The following RNF115 variants were observed in gnomAD, a reference collection of about 807,000 sequenced individuals.
RNF115 encodes the protein E3 ubiquitin-protein ligase RNF115.
RNF115 carries 31 observed loss-of-function variants against 39.2 expected under a neutral mutation model. The ratio of observed to expected loss-of-function variants is 0.79; its 90% CI spans 0.59 to 1.07. The LOEUF is 1.07. Among genes scored for constraint, RNF115 ranks in the 50% least tolerant of loss-of-function variants. The probability of loss-of-function intolerance (pLI) is 0.00; values close to 1 mark genes in which losing one functional copy is unlikely to be tolerated. For missense variants in RNF115, 384 were observed against 381.7 expected (o/e 1.01, Z -0.05); for synonymous variants, 124 against 131.0 (o/e 0.95, Z 0.37).
intron 1 of RNF115, among the ~76,000 whole-genome samples, chr1:145,801,843 A>T (rs1260458967): frequency 6.6e-6 from 1 of 152,016 alleles, no homozygotes; most frequent in Non-Finnish European, 1.5e-5. Context: ...GCTGGAGTGC[A>T]GTGGCACCAT....
At chr1:145,748,667 C>T (rs973166943) in intron 7 of RNF115, among the ~76,000 whole-genome samples, 3 of 151,924 alleles carry the variant, frequency 2.0e-5, no homozygotes, top group Non-Finnish European at 2.9e-5. Context: ...GGGTGGATCA[C>T]GAGGTCAGGA....
At position 145,744,106 on chromosome 1, in the gene RNF115, G is replaced by A. The variant is rs1657784564; in HGVS notation, c.*2760C>T. ...TTTAAAGGTACTCAGATCCTTTCTA[G>A]TTCTCTAGGCATTGGTTCTCTATCT... On this transcript the variant is annotated 3_prime_UTR_variant, in exon 9 of 9. Coordinates refer to ENST00000582693, the MANE Select transcript of RNF115 (RefSeq NM_014455.4). 6.6e-6 allele frequency: 1 copy of A among 152,278 alleles called. No homozygotes were observed. Among genetic ancestry groups the A allele is most frequent in the African/African-American group, 2.4e-5 (1 of 41,442 alleles). 9.4% of individuals were successfully genotyped at this position (152,278 alleles called of 1,614,324 possible).
chr1:145,749,234 G>C (rs1553712146), intron 7 of RNF115, among the ~76,000 whole-genome samples: 1 of 152,050 alleles, frequency 6.6e-6, no homozygotes, highest in Non-Finnish European at 1.5e-5. Flanking sequence ...TATCACCTTA[G>C]CCCTAATTCT....
intron 1 of RNF115, among the ~76,000 whole-genome samples, chr1:145,801,516 A>G (rs181422944): frequency 2.7e-4 from 41 of 152,252 alleles, no homozygotes; most frequent in African/African-American, 8.4e-4. Context: ...AGTGAGTGAA[A>G]GAGTGAGACT....
chr1:145,792,959 A>G (rs1648746512), intron 1 of RNF115, among the ~76,000 whole-genome samples: 1 of 152,208 alleles, frequency 6.6e-6, no homozygotes, highest in Non-Finnish European at 1.5e-5. Flanking sequence ...TAAATCCCTG[A>G]GTCCTCCTCT....
At chr1:145,753,325 T>C (rs782178006) in intron 4 of RNF115, among the ~76,000 whole-genome samples, 7 of 152,204 alleles carry the variant, frequency 4.6e-5, no homozygotes, top group African/African-American at 1.2e-4. Context: ...TTTCAAACTA[T>C]GTTCCCTGAA....
intron 1 of RNF115, among the ~76,000 whole-genome samples, chr1:145,795,052 A>AGTTT (rs1648904470): frequency 6.9e-6 from 1 of 145,020 alleles, no homozygotes; most frequent in South Asian, 2.2e-4. Context: ...GTGTGTCCGG[A>AGTTT]GTTTGTTCCT....
intron 4 of RNF115, among the ~76,000 whole-genome samples, chr1:145,761,111 G>A (rs781835083): frequency 2.4e-4 from 37 of 152,224 alleles, no homozygotes; most frequent in Non-Finnish European, 4.0e-4. Context: ...CTTCTAAGCA[G>A]CAAAGCATTC....
intron 1 of RNF115, among the ~76,000 whole-genome samples, chr1:145,819,395 T>C (rs1650135119): frequency 6.6e-6 from 1 of 150,398 alleles, no homozygotes; most frequent in African/African-American, 2.4e-5. Flanking sequence ...GCTGCAGCAG[T>C]GAGCCGTGAT....
At chr1:145,787,080 T>G (rs1553718180) in intron 2 of RNF115, 1 of 1,234,206 alleles carries the variant, frequency 8.1e-7, no homozygotes, top group South Asian at 1.3e-5. Context: ...ACAGTAACAG[T>G]AAAGGAATTA....
chr1:145,823,904 G>A lies in RNF115; in HGVS notation c.-31C>T, dbSNP rs782749510. The A allele has an allele frequency of 8.9e-6, 13 of 1,460,038 alleles. No homozygotes were observed. Among genetic ancestry groups the A allele is most frequent in the Non-Finnish European group, 1.2e-5 (13 of 1,096,370 alleles). The allele number at this position is 1,460,038 out of a possible 1,614,324, so 90.4% of individuals were successfully genotyped here. A position where few individuals can be genotyped will look rare whatever the true frequency, so the allele number is the denominator to read the frequency against. On this transcript the variant is annotated 5_prime_UTR_variant, in exon 1 of 9. Transcript: ENST00000582693. Reference sequence around the variant, plus strand: ...CCCTCCGCCGCGGCCGTCCGAGAGGGCAGCCGGCCCGTCCCTCGCCAGGCC... The same window carrying A: ...CCCTCCGCCGCGGCCGTCCGAGAGGACAGCCGGCCCGTCCCTCGCCAGGCC...
intron 4 of RNF115, among the ~76,000 whole-genome samples, chr1:145,766,221 A>G (rs1647269337): frequency 6.6e-6 from 1 of 152,170 alleles, no homozygotes; most frequent in Non-Finnish European, 1.5e-5. Flanking sequence ...GCCTTCAAGC[A>G]TCTGTTTAAC....
rs587640722 is a variant in RNF115, at chr1:145,803,118, T to C, written c.103-14152A>G. 6.6e-5 allele frequency among the ~76,000 whole-genome samples: 10 copies of C among 152,280 alleles called. No individual in the cohort carries two copies. The South Asian group carries it at 2.1e-3, about 32-fold the overall frequency. Reference sequence around the variant, plus strand: ...AAATTAAGGAAGACATACCTCTCATTCATTACAAGAAAGAGAAAGTTTCCA... The same window carrying C: ...AAATTAAGGAAGACATACCTCTCATCCATTACAAGAAAGAGAAAGTTTCCA... On this transcript the variant is annotated intron_variant, in intron 1 of 8. Coordinates refer to ENST00000582693, the MANE Select transcript of RNF115 (RefSeq NM_014455.4).
chr1:145,801,358 CAGG>C (rs1553720881), intron 1 of RNF115, among the ~76,000 whole-genome samples: 1 of 151,834 alleles, frequency 6.6e-6, no homozygotes, highest in Non-Finnish European at 1.5e-5. Flanking sequence ...CACTTGAGGC[CAGG>C]AGTTCGAGCC....
At chr1:145,801,305 C>T (rs587739948) in intron 1 of RNF115, among the ~76,000 whole-genome samples, 1 of 152,318 alleles carries the variant, frequency 6.6e-6, no homozygotes, top group South Asian at 2.1e-4. Context: ...CACAGTGGCT[C>T]AGCCTATAAT....
intron 1 of RNF115, among the ~76,000 whole-genome samples, chr1:145,800,928 G>A (rs1379233405): frequency 1.3e-5 from 2 of 152,068 alleles, no homozygotes; most frequent in African/African-American, 2.4e-5. Flanking sequence ...CCAGCACTTT[G>A]GGAGGGCCAA....
chr1:145,773,122 T>C (rs1199937191), intron 3 of RNF115: 1 of 152,248 alleles, frequency 6.6e-6, no homozygotes, highest in Non-Finnish European at 1.5e-5. Flanking sequence ...CTTTACTTCT[T>C]TGTCCATGGT....
chr1:145,748,074 T>G lies in RNF115; in HGVS notation c.704A>C (p.Tyr235Ser). The G allele has an allele frequency of 1.2e-6, 2 of 1,613,656 alleles. No individual in the cohort carries two copies. The highest frequency in any genetic ancestry group is 1.7e-6 in the Non-Finnish European group (2 of 1,179,594). ...CTGCCGGACTTCCTCTTCAACTGTG[T>G]AATCTTCTTTGCATACTGGACACTC... ...GLECPVCKED[Y>S]TVEEEVRQLP... is the part of the protein sequence containing the mutation. Residue 235 changes from tyrosine to serine, a missense_variant, in exon 8 of 9, where the codon TAC becomes TCC. Physicochemically the swap from Tyr to Ser is moderately radical, Grantham distance 144. Coordinates refer to ENST00000582693, the MANE Select transcript of RNF115 (RefSeq NM_014455.4).
chr1:145,776,898 T>C (rs1472233421), intron 3 of RNF115, among the ~76,000 whole-genome samples: 1 of 152,204 alleles, frequency 6.6e-6, no homozygotes, highest in East Asian at 1.9e-4. Flanking sequence ...TAACTGCCAT[T>C]TGCGCTTCTT....
Sources: gnomAD v4.1 joint callset for allele counts (sites outside exome capture counted in the v4.1 genomes callset) on GRCh38, gnomAD v4.1.1 for gene constraint, MANE v1.5 for transcripts, NCBI Gene and HGNC (gene_info 2026-07-23, HGNC 2026-07-21) for gene names.